The following WDTC1 variants were observed in gnomAD, a reference collection of about 807,000 sequenced individuals.
WDTC1 encodes the protein WD and tetratricopeptide repeats protein 1.
Under a neutral mutation model 76.0 loss-of-function variants are expected in WDTC1, and 12 were observed. That is an observed-to-expected ratio of 0.16 (90% CI 0.10 to 0.26). The LOEUF (loss-of-function observed/expected upper bound fraction) is 0.26, where lower values mean the gene tolerates loss of function less well. WDTC1 is among the 10% of genes least tolerant of loss of function. The pLI is 1.00. For missense variants in WDTC1, 511 were observed against 908.8 expected (o/e 0.56, Z 5.63); for synonymous variants, 326 against 350.8 (o/e 0.93, Z 0.79).
chr1:27,269,606 G>T (rs76809763), intron 3 of WDTC1, among the ~76,000 whole-genome samples: 127 of 119,394 alleles, frequency 1.1e-3, no homozygotes, highest in East Asian at 4.6e-3. Context: ...TTTGTTTTTT[G>T]TTTTTTTTTT....
At chr1:27,237,433 T>C (rs2011514043) in intron 1 of WDTC1, among the ~76,000 whole-genome samples, 1 of 152,214 alleles carries the variant, frequency 6.6e-6, no homozygotes, top group Non-Finnish European at 1.5e-5. Flanking sequence ...CCACCTCACC[T>C]TTCCAGATGC....
chr1:27,262,422 C>G (rs994963078), intron 2 of WDTC1, among the ~76,000 whole-genome samples: 9 of 149,006 alleles, frequency 6.0e-5, no homozygotes, highest in Non-Finnish European at 1.3e-4. Context: ...GAGTTTTGCT[C>G]TTGTTGCCCA....
chr1:27,243,877 A>T (rs1027595505), intron 1 of WDTC1, among the ~76,000 whole-genome samples: 1 of 151,532 alleles, frequency 6.6e-6, no homozygotes, highest in Non-Finnish European at 1.5e-5. Flanking sequence ...TATAATCCCA[A>T]CACTTTGGGA....
At chr1:27,273,185 G>A (rs1183565145) in intron 3 of WDTC1, among the ~76,000 whole-genome samples, 1 of 147,634 alleles carries the variant, frequency 6.8e-6, no homozygotes, top group Non-Finnish European at 1.5e-5. Context: ...AACAGAAAAT[G>A]ACTAATTTTC....
intron 1 of WDTC1, among the ~76,000 whole-genome samples, chr1:27,237,274 T>G (rs1462704688): frequency 1.3e-5 from 2 of 152,218 alleles, no homozygotes; most frequent in Non-Finnish European, 2.9e-5. Context: ...GTGACCACTC[T>G]CTTCTCTCTT....
At chr1:27,276,116 C>A (rs1300824450) in intron 3 of WDTC1, among the ~76,000 whole-genome samples, 20 of 152,160 alleles carry the variant, frequency 1.3e-4, no homozygotes, top group Admixed American at 1.3e-3. Flanking sequence ...TCTGTCTATC[C>A]ATTCATCAGT....
chr1:27,235,390 CTTTCTGTG>C (rs1437775306), intron 1 of WDTC1, among the ~76,000 whole-genome samples: 3 of 130,344 alleles, frequency 2.3e-5, no homozygotes, highest in African/African-American at 3.0e-5. Flanking sequence ...TTCTCTCTCT[CTTTCTGTG>C]TGTGTGTGTG....
chr1:27,241,159 C>A lies in WDTC1; in HGVS notation c.-100+6208C>A, dbSNP rs551708042. Among the ~76,000 whole-genome samples, 14 of 152,140 alleles carry A rather than the reference C, an allele frequency of 9.2e-5. No individual in the cohort carries two copies. In the East Asian group the frequency reaches 2.7e-3, roughly 29 times the overall value. On this transcript the variant is annotated intron_variant, in intron 1 of 15. Transcript: ENST00000319394. ...TATCTTCTTTTAGGATACAAGGTCACAACTGCTAGAGCTGTAACAGAGCTC... is the reference window on the plus strand; with the variant it reads ...TATCTTCTTTTAGGATACAAGGTCAAAACTGCTAGAGCTGTAACAGAGCTC...
rs1026453841 is a variant in WDTC1 at position 27,258,574 on chromosome 1, GGAAA to G, written c.-99-2371_-99-2368del. 2.7e-5 allele frequency among the ~76,000 whole-genome samples: 4 copies of G among 150,642 alleles called. No individual in the cohort carries two copies. In the South Asian group the frequency reaches 6.3e-4, roughly 24 times the overall value. ...AAAGAAAAGAAAGGGAGGGAGGGAA[GGAAA>G]GAAAGAAAGAGCTTGTTATCCCAAA... On this transcript the variant is annotated intron_variant, in intron 1 of 15. Coordinates refer to ENST00000319394, the MANE Select transcript of WDTC1 (RefSeq NM_001276252.2).
At chr1:27,287,126 GCACTCC>G (rs2147968387) in intron 5 of WDTC1, among the ~76,000 whole-genome samples, 1 of 150,652 alleles carries the variant, frequency 6.6e-6, no homozygotes, top group South Asian at 2.1e-4. Flanking sequence ...TTGCACCACT[GCACTCC>G]AGCCTGGGTG....
rs988098421 is a variant in WDTC1, at chr1:27,308,551, A to C, written c.*2168A>C. On this transcript the variant is annotated 3_prime_UTR_variant, in exon 16 of 16. Coordinates refer to ENST00000319394, the MANE Select transcript of WDTC1 (RefSeq NM_001276252.2). ...TTTTACATTGTGACCCAATATACAC[A>C]TGATTACTTGTAGATATGTGTGTGT... The C allele has an allele frequency of 2.0e-5, 3 of 152,194 alleles. No homozygotes were observed. Among genetic ancestry groups the C allele is most frequent in the African/African-American group, 7.2e-5 (3 of 41,426 alleles). 9.4% of individuals were successfully genotyped at this position (152,194 alleles called of 1,614,324 possible).
intron 1 of WDTC1, among the ~76,000 whole-genome samples, chr1:27,255,051 C>G (rs1224583424): frequency 1.3e-5 from 2 of 151,498 alleles, no homozygotes; most frequent in African/African-American, 2.4e-5. Context: ...CATTTTTGTT[C>G]CTTTTAGTAT....
chr1:27,238,998 C>CT lies in WDTC1; in HGVS notation c.-100+4068dup, dbSNP rs61324262. Among the ~76,000 whole-genome samples, 307 of 91,648 alleles carry CT rather than the reference C, an allele frequency of 3.3e-3. 1 individual carries two copies. Among genetic ancestry groups the CT allele is most frequent in the African/African-American group, 0.011 (290 of 27,334 alleles). The allele number at this position is 91,648 out of a possible 152,430, so 60.1% of individuals were successfully genotyped here. A position where few individuals can be genotyped will look rare whatever the true frequency, so the allele number is the denominator to read the frequency against. On this transcript the variant is annotated intron_variant, in intron 1 of 15. Transcript: ENST00000319394. ...TACAGGCATGAGCCACCGCTCCTGG[C>CT]TTTTTTTTTTTTTTTTTTTTTATGA...
chr1:27,291,069 T>C (rs2013522547), intron 6 of WDTC1, among the ~76,000 whole-genome samples: 1 of 152,210 alleles, frequency 6.6e-6, no homozygotes, highest in Non-Finnish European at 1.5e-5. Flanking sequence ...CCTAAGTGTT[T>C]AGGCATAGGC....
At chr1:27,275,463 C>T (rs368968353) in intron 3 of WDTC1, among the ~76,000 whole-genome samples, 48 of 151,940 alleles carry the variant, frequency 3.2e-4, no homozygotes, top group African/African-American at 1.4e-4. Flanking sequence ...ACTAAAAATA[C>T]GAAAAATTAG....
intron 1 of WDTC1, among the ~76,000 whole-genome samples, chr1:27,252,008 A>C (rs2012082253): frequency 6.6e-6 from 1 of 151,912 alleles, no homozygotes; most frequent in South Asian, 2.1e-4. Context: ...AGATCGCGCC[A>C]CTGCACTCCA....
At chr1:27,243,667 T>C (rs911448025) in intron 1 of WDTC1, among the ~76,000 whole-genome samples, 1 of 152,156 alleles carries the variant, frequency 6.6e-6, no homozygotes, top group Non-Finnish European at 1.5e-5. Context: ...ACCTGTCTCA[T>C]AGGATTATTA....
intron 1 of WDTC1, 141 bp from the exon 2 acceptor site, chr1:27,260,815 C>T (rs2012454268): frequency 1.8e-6 from 1 of 568,850 alleles, no homozygotes. Context: ...TTTTTCAACA[C>T]TATGGAGCAG....
At chr1:27,251,030 C>T (rs143490684) in intron 1 of WDTC1, among the ~76,000 whole-genome samples, 1 of 73,346 alleles carries the variant, frequency 1.4e-5, no homozygotes, top group Non-Finnish European at 2.8e-5. Flanking sequence ...CTACTCCTGG[C>T]TAATTTTTTT....
Sources: gnomAD v4.1 joint callset for allele counts (sites outside exome capture counted in the v4.1 genomes callset) on GRCh38, gnomAD v4.1.1 for gene constraint, MANE v1.5 for transcripts, NCBI Gene and HGNC (gene_info 2026-07-23, HGNC 2026-07-21) for gene names.